The following SCAPER variants were observed in gnomAD, a reference collection of about 807,000 sequenced individuals.
SCAPER encodes S-phase cyclin A associated protein in the ER, also known as S phase cyclin A-associated protein in the endoplasmic reticulum.
SCAPER carries 98 observed loss-of-function variants against 182.2 expected under a neutral mutation model. The observed-to-expected ratio is 0.54, with a 90% CI of 0.46 to 0.64. The LOEUF (loss-of-function observed/expected upper bound fraction) is 0.64, where lower values mean the gene tolerates loss of function less well. SCAPER is among the 30% of genes least tolerant of loss of function. The pLI, the probability that SCAPER is intolerant of heterozygous loss-of-function variation, is 0.00. For synonymous variants in SCAPER, 605 were observed against 564.6 expected, an observed-to-expected ratio of 1.07 and a Z score of -1.01; for missense variants, 1,432 against 1,690.0, an observed-to-expected ratio of 0.85 and a Z score of 2.68.
At chr15:76,538,435 A>G (rs1597273935) in intron 23 of SCAPER, among the ~76,000 whole-genome samples, 2 of 151,770 alleles carry the variant, frequency 1.3e-5, no homozygotes, top group African/African-American at 4.8e-5. Flanking sequence ...ATGAAATTGG[A>G]AATCATCATT....
intron 21 of SCAPER, among the ~76,000 whole-genome samples, chr15:76,658,550 GA>G (rs1011543763): frequency 6.6e-6 from 1 of 151,896 alleles, no homozygotes; most frequent in South Asian, 2.1e-4. Flanking sequence ...AACAAAATTA[GA>G]AAAAAATTAT....
At chr15:76,508,722 G>C (rs2436994) in intron 23 of SCAPER, among the ~76,000 whole-genome samples, 54,346 of 151,884 alleles carry the variant, frequency 0.36, 10,011 homozygotes, top group East Asian at 0.58. Flanking sequence ...TCTTATAATA[G>C]GGTGAAAGGC....
intron 25 of SCAPER, among the ~76,000 whole-genome samples, chr15:76,442,851 G>C (rs1467709064): frequency 6.6e-6 from 1 of 152,126 alleles, no homozygotes; most frequent in African/African-American, 2.4e-5. Flanking sequence ...CAATCTCTGA[G>C]ACCTCTTTTA....
chr15:76,865,889 C>T (rs958113618), intron 2 of SCAPER, among the ~76,000 whole-genome samples: 2 of 152,206 alleles, frequency 1.3e-5, no homozygotes, highest in Middle Eastern at 3.4e-3. Flanking sequence ...CATCTACTTA[C>T]CTGACTCATT....
At chr15:76,721,166 CT>C (rs948474347) in intron 17 of SCAPER, among the ~76,000 whole-genome samples, 2 of 152,164 alleles carry the variant, frequency 1.3e-5, no homozygotes, top group Non-Finnish European at 2.9e-5. Context: ...TGCCCAGCAC[CT>C]TTTATTAAAT....
At chr15:76,873,169 T>C (rs908467326) in intron 2 of SCAPER, among the ~76,000 whole-genome samples, 5 of 151,360 alleles carry the variant, frequency 3.3e-5, no homozygotes, top group South Asian at 2.1e-4. Context: ...GAGGATTACC[T>C]GAAACCAGGA....
intron 22 of SCAPER, chr15:76,586,784 C>T (rs1027567794): frequency 2.0e-5 from 3 of 151,626 alleles, no homozygotes; most frequent in African/African-American, 7.3e-5. Flanking sequence ...ATGTTCTTTC[C>T]TGGTTTTGGT....
chr15:76,386,683 T>C (rs1274755917), intron 27 of SCAPER, among the ~76,000 whole-genome samples: 1 of 151,986 alleles, frequency 6.6e-6, no homozygotes, highest in Non-Finnish European at 1.5e-5. Context: ...GAAGGGTGTT[T>C]CAGGTAAAAG....
At chr15:76,781,157 T>A (rs1236980704) in intron 8 of SCAPER, among the ~76,000 whole-genome samples, 2 of 152,162 alleles carry the variant, frequency 1.3e-5, no homozygotes, top group Non-Finnish European at 2.9e-5. Context: ...GTTCCACGAA[T>A]GCCTAACTAG....
At chr15:76,460,173 A>C (rs2049053727) in intron 25 of SCAPER, among the ~76,000 whole-genome samples, 2 of 151,990 alleles carry the variant, frequency 1.3e-5, no homozygotes, top group South Asian at 4.1e-4. Flanking sequence ...TAGTATAGTC[A>C]TTTTATTACA....
chr15:76,828,103 A>T (rs1236957310), intron 5 of SCAPER, among the ~76,000 whole-genome samples: 1 of 152,070 alleles, frequency 6.6e-6, no homozygotes, highest in African/African-American at 2.4e-5. Context: ...GTGATGTCCT[A>T]TGTTGTCTTG....
intron 1 of SCAPER, among the ~76,000 whole-genome samples, chr15:76,895,366 A>G (rs1200859177): frequency 1.3e-5 from 2 of 152,196 alleles, no homozygotes; most frequent in African/African-American, 2.4e-5. Flanking sequence ...AATTAGGTAC[A>G]TAAGTAATGT....
chr15:76,887,620 G>C (rs768871832), intron 1 of SCAPER, among the ~76,000 whole-genome samples: 1 of 152,244 alleles, frequency 6.6e-6, no homozygotes, highest in African/African-American at 2.4e-5. Flanking sequence ...CAATTGCTGA[G>C]GCATGAGTAG....
chr15:76,644,586 T>C (rs557287553), intron 21 of SCAPER, among the ~76,000 whole-genome samples: 210 of 147,988 alleles, frequency 1.4e-3, no homozygotes, highest in Non-Finnish European at 2.5e-3. Flanking sequence ...TTTATGACCA[T>C]AAAAACAAAA....
At chr15:76,679,841 G>C (rs2057586673) in intron 20 of SCAPER, among the ~76,000 whole-genome samples, 1 of 152,146 alleles carries the variant, frequency 6.6e-6, no homozygotes, top group Non-Finnish European at 1.5e-5. Flanking sequence ...AGGTTTAACA[G>C]ACAACTCAAA....
intron 20 of SCAPER, among the ~76,000 whole-genome samples, chr15:76,686,472 G>C (rs1477809220): frequency 2.0e-5 from 3 of 151,986 alleles, no homozygotes; most frequent in Non-Finnish European, 4.4e-5. Context: ...GTGCAAATTG[G>C]TGCAACCAAT....
At chr15:76,702,427 G>A (rs888944318) in intron 19 of SCAPER, among the ~76,000 whole-genome samples, 1 of 152,012 alleles carries the variant, frequency 6.6e-6, no homozygotes, top group Non-Finnish European at 1.5e-5. Flanking sequence ...AAGAAATCCA[G>A]GTCACTCAGC....
chr15:76,434,390 A>C, intron 25 of SCAPER, 80 bp from the exon 26 acceptor site: 1 of 976,400 alleles, frequency 1.0e-6, no homozygotes, highest in South Asian at 1.7e-5. Context: ...ACATTTCTGG[A>C]ATCATAAGTA....
chr15:76,791,574 G>A (rs2151451920), intron 8 of SCAPER, among the ~76,000 whole-genome samples: 1 of 152,074 alleles, frequency 6.6e-6, no homozygotes, highest in Non-Finnish European at 1.5e-5. Flanking sequence ...AAAAATCTTA[G>A]AGGGGGTGGG....
Sources: allele counts gnomAD v4.1 joint callset (sites outside exome capture counted in the v4.1 genomes callset), GRCh38; gene constraint gnomAD v4.1.1; transcripts MANE v1.5; gene names NCBI Gene and HGNC (gene_info 2026-07-23, HGNC 2026-07-21).